PIGU: variants seen among roughly 807,000 people sequenced by gnomAD.
PIGU encodes the protein phosphatidylinositol glycan anchor biosynthesis class U, also known as GPI-anchor transamidase component PIGU.
Under a neutral mutation model 49.9 loss-of-function variants are expected in PIGU, and 24 were observed. The ratio of observed to expected loss-of-function variants is 0.48; its 90% confidence interval spans 0.35 to 0.68. The LOEUF (loss-of-function observed/expected upper bound fraction) is 0.68. Ranked by LOEUF, PIGU falls within the 30% of genes least tolerant of loss-of-function variation. The pLI, the probability that PIGU is intolerant of heterozygous loss-of-function variation, is 0.01. For synonymous variants in PIGU, 220 were observed against 205.7 expected, an observed-to-expected ratio of 1.07 and a Z score of -0.59; for missense variants, 490 against 532.6, an observed-to-expected ratio of 0.92 and a Z score of 0.79.
At chr20:34,569,379 T>C (rs1474016665) in intron 11 of PIGU, among the ~76,000 whole-genome samples, 2 of 152,064 alleles carry the variant, frequency 1.3e-5, no homozygotes, top group African/African-American at 4.8e-5. Context: ...ACAGGTAGCT[T>C]GCCACTGCAC....
At chr20:34,609,986 G>A (rs1408986420) in intron 7 of PIGU, among the ~76,000 whole-genome samples, 1 of 152,118 alleles carries the variant, frequency 6.6e-6, no homozygotes, top group Non-Finnish European at 1.5e-5. Context: ...GAAGGTGGAC[G>A]TGTTTGCTTC....
intron 7 of PIGU, among the ~76,000 whole-genome samples, chr20:34,610,244 A>T (rs959297797): frequency 6.6e-6 from 1 of 152,192 alleles, no homozygotes. Flanking sequence ...GTATTCAAAT[A>T]GGAAAAGAGG....
intron 6 of PIGU, among the ~76,000 whole-genome samples, chr20:34,617,091 C>T (rs932848511): frequency 6.6e-6 from 1 of 152,230 alleles, no homozygotes; most frequent in African/African-American, 2.4e-5. Flanking sequence ...GCCTGGGTGT[C>T]CAGGCAAAAG....
At chr20:34,574,178 C>T (rs1006523830) in intron 11 of PIGU, among the ~76,000 whole-genome samples, 5 of 152,212 alleles carry the variant, frequency 3.3e-5, no homozygotes, top group African/African-American at 7.2e-5. Context: ...GAAGGCAGCA[C>T]GTGGAGGAGG....
At chr20:34,583,862 G>A (rs190762768) in intron 9 of PIGU, among the ~76,000 whole-genome samples, 5 of 152,234 alleles carry the variant, frequency 3.3e-5, no homozygotes, top group Admixed American at 2.0e-4. Context: ...TGGGAACCAC[G>A]TGCATTGGTG....
chr20:34,622,985 G>C (rs774491831), intron 6 of PIGU, among the ~76,000 whole-genome samples: 2 of 152,088 alleles, frequency 1.3e-5, no homozygotes, highest in African/African-American at 2.4e-5. Flanking sequence ...CAGCAAGACC[G>C]GGGGTAATAC....
intron 6 of PIGU, among the ~76,000 whole-genome samples, chr20:34,633,629 G>A (rs1568650511): frequency 1.3e-5 from 2 of 150,622 alleles, no homozygotes; most frequent in Admixed American, 6.6e-5. Flanking sequence ...ATGCAGTGGC[G>A]AGATCTCGGC....
chr20:34,571,924 CCT>C (rs1225512497), intron 11 of PIGU, among the ~76,000 whole-genome samples: 1 of 152,138 alleles, frequency 6.6e-6, no homozygotes, highest in African/African-American at 2.4e-5. Flanking sequence ...TCTGATGCAC[CCT>C]GTTAGTGACC....
chr20:34,665,554 C>T (rs1987064829), intron 1 of PIGU, among the ~76,000 whole-genome samples: 1 of 149,202 alleles, frequency 6.7e-6, no homozygotes, highest in African/African-American at 2.5e-5. Context: ...GTTGGCCAGG[C>T]TGATCTCACA....
intron 1 of PIGU, among the ~76,000 whole-genome samples, chr20:34,664,368 G>T (rs1437089796): frequency 6.6e-6 from 1 of 152,086 alleles, no homozygotes; most frequent in Non-Finnish European, 1.5e-5. Flanking sequence ...GCCCAGGCTG[G>T]TAAAAACATT....
intron 1 of PIGU, among the ~76,000 whole-genome samples, chr20:34,668,365 G>A (rs577672156): frequency 6.7e-6 from 1 of 149,872 alleles, no homozygotes; most frequent in South Asian, 2.1e-4. Context: ...GGGAGGCTAA[G>A]GCAGGAGAAT....
chr20:34,605,131 C>T (rs1256421614), intron 7 of PIGU, among the ~76,000 whole-genome samples: 1 of 152,102 alleles, frequency 6.6e-6, no homozygotes, highest in Non-Finnish European at 1.5e-5. Context: ...TTTCCGCATG[C>T]TATCAAATCA....
intron 8 of PIGU, among the ~76,000 whole-genome samples, chr20:34,587,408 T>A (rs1983740999): frequency 6.6e-6 from 1 of 152,216 alleles, no homozygotes; most frequent in South Asian, 2.1e-4. Context: ...TTTTATGTGA[T>A]GTTATGATTT....
At chr20:34,671,154 A>T (rs190592819) in intron 1 of PIGU, among the ~76,000 whole-genome samples, 1 of 152,336 alleles carries the variant, frequency 6.6e-6, no homozygotes, top group East Asian at 1.9e-4. Context: ...AATGGGGTTG[A>T]TAACAGTTTG....
chr20:34,643,382 A>G (rs1371321643), intron 4 of PIGU, among the ~76,000 whole-genome samples: 3 of 152,156 alleles, frequency 2.0e-5, no homozygotes, highest in African/African-American at 7.3e-5. Flanking sequence ...TCTGTCACTG[A>G]TGACCAGTGA....
At chr20:34,629,018 CT>C (rs112907819) in intron 6 of PIGU, among the ~76,000 whole-genome samples, 1,627 of 141,158 alleles carry the variant, frequency 0.012, 26 homozygotes, top group African/African-American at 0.035. Context: ...CCATGTGTAA[CT>C]TTTTTTTTTT....
chr20:34,580,895 GT>G (rs1253447177), intron 10 of PIGU, among the ~76,000 whole-genome samples: 1 of 152,198 alleles, frequency 6.6e-6, no homozygotes, highest in African/African-American at 2.4e-5. Flanking sequence ...TAGAGGGGTT[GT>G]CACAGTGGGC....
Position 34,649,313 on chromosome 20 carries a change from G to A in PIGU, c.196-3979C>T, listed in dbSNP as rs190258403. Reference sequence around the variant, plus strand: ...TCTCCTCAAATACTGATTCTGCCTCGTTCTGTCTCTTCTCCCATTCTAGAA... The same window carrying A: ...TCTCCTCAAATACTGATTCTGCCTCATTCTGTCTCTTCTCCCATTCTAGAA... On this transcript the variant is annotated intron_variant, in intron 2 of 11. Transcript: ENST00000217446. Among the ~76,000 whole-genome samples, 85 of 150,940 alleles carry A rather than the reference G, an allele frequency of 5.6e-4. 1 individual carries two copies. The highest frequency in any genetic ancestry group is 7.9e-4 in the Admixed American group (12 of 15,154).
In PIGU at chr20:34,631,533, A is replaced by AAG. The variant is rs1487293621; in HGVS notation, c.529+3080_529+3081dup. ...AAAATTTCAAAACGCTCAGGATAAA[A>AAG]AGAAGACACTTAATTTTTCTTCTCC... On this transcript the variant is annotated intron_variant, in intron 6 of 11. Transcript: ENST00000217446. Among the ~76,000 whole-genome samples the AAG allele has an allele frequency of 8.7e-5, 13 of 150,274 alleles. No individual in the cohort carries two copies. In the East Asian group the frequency reaches 2.3e-3, roughly 27 times the overall value.
Sources: gnomAD v4.1 joint callset for allele counts (sites outside exome capture counted in the v4.1 genomes callset) on GRCh38, gnomAD v4.1.1 for gene constraint, MANE v1.5 for transcripts, NCBI Gene and HGNC (gene_info 2026-07-23, HGNC 2026-07-21) for gene names.